ZNF235: variants seen among roughly 807,000 people sequenced by gnomAD.
ZNF235 encodes the protein zfp-93.
Under a neutral mutation model 29.4 loss-of-function variants are expected in ZNF235, and 25 were observed. That is an observed-to-expected ratio of 0.85 (90% CI 0.62 to 1.19). The LOEUF is 1.19. ZNF235 is among the 50% of genes most tolerant of loss of function. The probability of loss-of-function intolerance (pLI) is 0.00; values close to 1 mark genes in which losing one functional copy is unlikely to be tolerated. For synonymous variants in ZNF235, 300 were observed against 295.3 expected, an observed-to-expected ratio of 1.02 and a Z score of -0.16; for missense variants, 788 against 885.0, an observed-to-expected ratio of 0.89 and a Z score of 1.39.
At chr19:44,303,734 G>A (rs1001063259) in intron 1 of ZNF235, among the ~76,000 whole-genome samples, 4 of 152,138 alleles carry the variant, frequency 2.6e-5, no homozygotes, top group African/African-American at 7.2e-5. Context: ...AGACAGGCAG[G>A]GGAATGTAAC....
In ZNF235 at chr19:44,288,589, T is replaced by C. The variant is rs147765457; in HGVS notation, c.846A>G (p.Lys282=). The change falls in exon 5 of 5, where the codon AAA becomes AAG. Residue 282 remains lysine, a synonymous_variant. Coordinates refer to ENST00000291182, the MANE Select transcript of ZNF235 (RefSeq NM_004234.4). ...FNDSSSLELH[K]QVHLGKKSPA... is the part of the protein sequence containing the mutation. ...GAGACTTCTTTCCCAAGTGTACCTG[T>C]TTATGAAGTTCAAGACTGGAGCTAT... The C allele has an allele frequency of 1.1e-4, 172 of 1,614,176 alleles. No homozygotes were observed. In the African/African-American group the frequency reaches 2.1e-3, roughly 20 times the overall value.
chr19:44,298,346 C>T (rs1975684383), intron 4 of ZNF235, among the ~76,000 whole-genome samples: 1 of 151,694 alleles, frequency 6.6e-6, no homozygotes, highest in Non-Finnish European at 1.5e-5. Flanking sequence ...AAATGGGAAG[C>T]CAGTGGAGGA....
rs190364443 is a variant in ZNF235, at chr19:44,302,428, T to A, written c.15+962A>T. Reference sequence around the variant, plus strand: ...AAATTGTACCTAAAGTATGATTATATATGTTGAGTGCAAATGAAAAGGAAT... The same window carrying A: ...AAATTGTACCTAAAGTATGATTATAAATGTTGAGTGCAAATGAAAAGGAAT... On this transcript the variant is annotated intron_variant, in intron 2 of 4. Transcript: ENST00000291182. Among the ~76,000 whole-genome samples, 257 of 152,302 alleles carry A rather than the reference T, an allele frequency of 1.7e-3. 1 individual carries two copies. Among genetic ancestry groups the A allele is most frequent in the African/African-American group, 5.9e-3 (246 of 41,578 alleles).
chr19:44,297,615 C>T (rs1224550380), intron 4 of ZNF235, among the ~76,000 whole-genome samples: 1 of 152,030 alleles, frequency 6.6e-6, no homozygotes, highest in Non-Finnish European at 1.5e-5. Flanking sequence ...AGGCATGTGC[C>T]ACCACGCCCA....
chr19:44,288,208 C>T lies in ZNF235; in HGVS notation c.1227G>A (p.Gly409=). ...GEKPYKCEVC[G]KGFTQRSHLQ... The stretch of plus-strand genomic sequence containing the variant: ...GATGTGATCTCTGAGTGAAGCCCTT[C>T]CCACACACCTCACATTTATAAGGTT... The change falls in exon 5 of 5, where the codon GGG becomes GGA. Residue 409 remains glycine (G), a synonymous_variant. Transcript: ENST00000291182. 3.1e-6 allele frequency: 5 copies of T among 1,614,062 alleles called. No homozygotes were observed. Among genetic ancestry groups the T allele is most frequent in the Non-Finnish European group, 4.2e-6 (5 of 1,179,996 alleles).
At chr19:44,294,729 G>C (rs1975631355) in intron 4 of ZNF235, among the ~76,000 whole-genome samples, 1 of 147,266 alleles carries the variant, frequency 6.8e-6, no homozygotes, top group Non-Finnish European at 1.5e-5. Context: ...ACATCAAAAA[G>C]ATAAGCCACC....
At chr19:44,299,874 A>T in intron 2 of ZNF235, 142 bp from the exon 3 acceptor site, 1 of 1,273,998 alleles carries the variant, frequency 7.8e-7, no homozygotes, top group Non-Finnish European at 1.1e-6. Flanking sequence ...CACCTTGTAC[A>T]TGTAACGTGG....
At chr19:44,302,972 A>T (rs1568647593) in intron 2 of ZNF235, among the ~76,000 whole-genome samples, 17 of 105,660 alleles carry the variant, frequency 1.6e-4, no homozygotes, top group East Asian at 7.5e-4. Flanking sequence ...ATACGTATAT[A>T]TGTATATATT....
At chr19:44,295,447 T>A (rs1284367284) in intron 4 of ZNF235, among the ~76,000 whole-genome samples, 2 of 151,426 alleles carry the variant, frequency 1.3e-5, no homozygotes, top group African/African-American at 4.9e-5. Context: ...GTAGATGACA[T>A]AAAAAAAATG....
chr19:44,303,157 C>G (rs993745425), intron 2 of ZNF235, among the ~76,000 whole-genome samples: 1 of 138,122 alleles, frequency 7.2e-6, no homozygotes, highest in South Asian at 2.2e-4. Flanking sequence ...AAAATATATA[C>G]GTATATATAA....
intron 2 of ZNF235, among the ~76,000 whole-genome samples, chr19:44,302,049 G>C (rs7259775): frequency 0.021 from 3,190 of 152,242 alleles, 105 homozygotes; most frequent in African/African-American, 0.072. Context: ...GTTTTACTTA[G>C]AATTAAAGAA....
chr19:44,299,704 A>G lies in ZNF235; in HGVS notation c.44T>C (p.Val15Ala), dbSNP rs80182528. The part of the protein sequence containing the change: ...QEAVTFKDVA[V>A]AFTEEELGLL... ...CCCCAGCTCCTCCTCAGTGAAGGCC[A>G]CAGCCACATCCTTGAATGTCACTGC... Residue 15 changes from valine (V) to alanine (A), a missense_variant, in exon 3 of 5, where the codon GTG (valine) becomes GCG (alanine). Coordinates refer to ENST00000291182, the MANE Select transcript of ZNF235 (RefSeq NM_004234.4). The G allele has an allele frequency of 1.9e-6, 3 of 1,613,674 alleles. No homozygotes were observed. The highest frequency in any genetic ancestry group is 1.3e-5 in the African/African-American group (1 of 74,922).
chr19:44,292,189 G>A (rs1975593605), intron 4 of ZNF235, among the ~76,000 whole-genome samples: 1 of 151,860 alleles, frequency 6.6e-6, no homozygotes, highest in South Asian at 2.1e-4. Flanking sequence ...TGAAGTTCTA[G>A]TCAGTGCAGT....
intron 4 of ZNF235, among the ~76,000 whole-genome samples, chr19:44,294,026 C>T (rs1261749020): frequency 6.6e-6 from 1 of 150,592 alleles, no homozygotes. Context: ...AAATCCAAAC[C>T]CAAAGTCAGC....
chr19:44,287,511 G>C lies in ZNF235; in HGVS notation c.1924C>G (p.Leu642Val), dbSNP rs1290646332. The C allele has an allele frequency of 6.2e-7, 1 of 1,614,082 alleles. No individual in the cohort carries two copies. The highest frequency in any genetic ancestry group is 1.1e-5 in the South Asian group (1 of 91,086). The change falls in exon 5 of 5, where the codon CTT becomes GTT. Residue 642 changes from leucine (L) to valine (V), a missense_variant. By Grantham distance (32) the Leu-to-Val change is conservative. Coordinates refer to ENST00000291182, the MANE Select transcript of ZNF235 (RefSeq NM_004234.4). ...GTGTGAATTATCTGATGGACTTGAAGATTTGACCTCTGGCTGAAGGCCTTA... is the reference window on the plus strand; with the variant it reads ...GTGTGAATTATCTGATGGACTTGAACATTTGACCTCTGGCTGAAGGCCTTA... ...CGKAFSQRSN[L>V]QVHQIIHTGE...
intron 4 of ZNF235, chr19:44,289,555 G>T: frequency 6.0e-6 from 1 of 166,492 alleles, no homozygotes; most frequent in Non-Finnish European, 1.3e-5. Context: ...TCGGTATCAG[G>T]CTTTAGTTCA....
chr19:44,287,180 G>A lies in ZNF235; in HGVS notation c.*38C>T, dbSNP rs775471892. On this transcript the variant is annotated 3_prime_UTR_variant, in exon 5 of 5. Coordinates refer to ENST00000291182, the MANE Select transcript of ZNF235 (RefSeq NM_004234.4). ...TGGACTTCCCAACGGAGACAAAGAT[G>A]TGAGCTCTAACTGAAGGCTGAACCA... 6 of 1,527,970 alleles carry A rather than the reference G, an allele frequency of 3.9e-6. No individual in the cohort carries two copies. The highest frequency in any genetic ancestry group is 5.3e-6 in the Non-Finnish European group (6 of 1,138,022). The allele number at this position is 1,527,970 out of a possible 1,614,324, so 94.7% of individuals were successfully genotyped here.
Position 44,289,072 on chromosome 19 carries a change from G to A in ZNF235, c.363C>T (p.Asp121=). ...TCTTTCCTTCAATATTTATCATGGA[G>A]TCTTGACTTCTGGCTAATTTGCTCG... The part of the protein sequence containing the change: ...HIASKLARSQ[D]SMINIEGKSS... Residue 121 remains aspartate (D), a synonymous_variant, in exon 5 of 5, where the codon GAC becomes GAT. Transcript: ENST00000291182. The A allele has an allele frequency of 6.2e-7, 1 of 1,614,114 alleles. No individual in the cohort carries two copies. The highest frequency in any genetic ancestry group is 8.5e-7 in the Non-Finnish European group (1 of 1,180,008).
Position 44,288,421 on chromosome 19 carries a change from CT to C in ZNF235, c.1013del (p.Gln338ArgfsTer133). On this transcript the variant is annotated frameshift_variant, in exon 5 of 5. Coordinates refer to ENST00000291182, the MANE Select transcript of ZNF235 (RefSeq NM_004234.4). LOFTEE classifies it low-confidence loss of function (END_TRUNC). ...FSQSSNLQTHQRVHTGEKPYT... is the reference protein window; with the variant it reads ...FSQSSNLQTHXRVHTGEKPYT... Reference sequence around the variant, plus strand: ...AGGGTTTCTCCCCTGTGTGGACTCTCTGATGAGTTTGCAGATTTGAGCTCTG... The same window carrying C: ...AGGGTTTCTCCCCTGTGTGGACTCTCGATGAGTTTGCAGATTTGAGCTCTG... The C allele has an allele frequency of 6.2e-7, 1 of 1,614,202 alleles. No homozygotes were observed. Among genetic ancestry groups the C allele is most frequent in the South Asian group, 1.1e-5 (1 of 91,082 alleles).
Sources: gnomAD v4.1 joint callset for allele counts (sites outside exome capture counted in the v4.1 genomes callset) on GRCh38, gnomAD v4.1.1 for gene constraint, MANE v1.5 for transcripts, NCBI Gene and HGNC (gene_info 2026-07-23, HGNC 2026-07-21) for gene names.